LMX1B: variants seen among roughly 807,000 people sequenced by gnomAD.
LMX1B encodes the protein LIM homeobox transcription factor 1 beta.
LMX1B carries 12 observed loss-of-function variants against 51.4 expected under a neutral mutation model. That is an observed-to-expected ratio of 0.23 (90% CI 0.15 to 0.38). The LOEUF (loss-of-function observed/expected upper bound fraction) is 0.38. Among genes scored for constraint, LMX1B ranks in the 10% least tolerant of loss-of-function variants. LMX1B has a pLI of 1.00. For missense variants in LMX1B, 445 were observed against 571.1 expected, an observed-to-expected ratio of 0.78 and a Z score of 2.25; for synonymous variants, 237 against 235.4, an observed-to-expected ratio of 1.01 and a Z score of -0.06.
chr9:126,613,959 G>A lies in LMX1B; in HGVS notation c.-491G>A, dbSNP rs1214635578. ...AGCTCTAAACCCGGCGGCTCAGCGGGCGCACCATGGCACTGGAGTAGCGCG... is the reference window on the plus strand; with the variant it reads ...AGCTCTAAACCCGGCGGCTCAGCGGACGCACCATGGCACTGGAGTAGCGCG... On this transcript the variant is annotated 5_prime_UTR_variant, in exon 1 of 8. Transcript: ENST00000373474. The surrounding 1 kb of genome is among the most constrained non-coding windows in gnomAD (Gnocchi z 4.5). Among the ~76,000 whole-genome samples, 1 of 146,074 alleles carries A rather than the reference G, an allele frequency of 6.8e-6. No individual in the cohort carries two copies. Among genetic ancestry groups the A allele is most frequent in the Non-Finnish European group, 1.5e-5 (1 of 65,772 alleles).
intron 2 of LMX1B, among the ~76,000 whole-genome samples, chr9:126,655,703 C>T (rs1836103845): frequency 6.6e-6 from 1 of 152,206 alleles, no homozygotes; most frequent in Non-Finnish European, 1.5e-5. Flanking sequence ...TACAATGATA[C>T]TGTTTGTTTT....
At chr9:126,642,621 C>T (rs527692557) in intron 2 of LMX1B, among the ~76,000 whole-genome samples, 21 of 152,366 alleles carry the variant, frequency 1.4e-4, no homozygotes, top group South Asian at 2.1e-4. Context: ...TTGCCACCGT[C>T]TCCCTCACTG....
In LMX1B at chr9:126,669,439, A is replaced by G. The variant is rs1414864739; in HGVS notation, c.327-21397A>G. On this transcript the variant is annotated intron_variant, in intron 2 of 7. Transcript: ENST00000373474. ...TGAGAAAAGTTTCCTTCGGGTCTGC[A>G]TTGTGTATTTGTATGAGCGCATGTG... 4.6e-5 allele frequency among the ~76,000 whole-genome samples: 7 copies of G among 151,986 alleles called. No homozygotes were observed. The East Asian group carries it at 9.7e-4, about 21-fold the overall frequency.
In LMX1B at chr9:126,626,951, C is replaced by G. The variant is rs1835545814; in HGVS notation, c.326+11382C>G. On this transcript the variant is annotated intron_variant, in intron 2 of 7. Coordinates refer to ENST00000373474, the MANE Select transcript of LMX1B (RefSeq NM_001174147.2). The surrounding 1 kb of genome is among the most constrained non-coding windows in gnomAD (Gnocchi z 4.3). ...GGCCCGCAGCGTCCGCCGGTCCGTC[C>G]GGGCTCCTCTGCAGGGAAGAGGCCT... is the stretch of plus-strand genomic sequence containing the variant. Among the ~76,000 whole-genome samples the G allele has an allele frequency of 6.6e-6, 1 of 152,194 alleles. No individual in the cohort carries two copies. Among genetic ancestry groups the G allele is most frequent in the Non-Finnish European group, 1.5e-5 (1 of 68,030 alleles).
chr9:126,693,084 G>A lies in LMX1B; in HGVS notation c.560-58G>A, dbSNP rs2030191614. ...GGCAGCAGGTTGCCGAAGGGGACAA[G>A]GCTGAGGCCTGGGCTGCCCCCGCCC... On this transcript the variant is annotated intron_variant, in intron 3 of 7. Coordinates refer to ENST00000373474, the MANE Select transcript of LMX1B (RefSeq NM_001174147.2). The A allele has an allele frequency of 5.9e-6, 9 of 1,526,094 alleles. No homozygotes were observed. The South Asian group carries it at 1.1e-4, about 18-fold the overall frequency. The allele number at this position is 1,526,094 out of a possible 1,614,324, so 94.5% of individuals were successfully genotyped here.
At chr9:126,616,112 T>C (rs1285808721) in intron 2 of LMX1B, among the ~76,000 whole-genome samples, 2 of 152,202 alleles carry the variant, frequency 1.3e-5, no homozygotes, top group African/African-American at 4.8e-5. Flanking sequence ...AGAATGTCCA[T>C]ATTCCCCAAA....
chr9:126,622,607 C>G (rs901067383), intron 2 of LMX1B, among the ~76,000 whole-genome samples: 4 of 152,218 alleles, frequency 2.6e-5, no homozygotes, highest in Admixed American at 6.5e-5. Context: ...CCCCTTCTCC[C>G]GCCTCCTGCC....
At chr9:126,688,851 G>T (rs1314559643) in intron 2 of LMX1B, among the ~76,000 whole-genome samples, 1 of 152,176 alleles carries the variant, frequency 6.6e-6, no homozygotes, top group African/African-American at 2.4e-5. Flanking sequence ...CACTCACGGA[G>T]GCCCCCTTGA....
chr9:126,653,179 G>T (rs1042672756), intron 2 of LMX1B, among the ~76,000 whole-genome samples: 4 of 115,592 alleles, frequency 3.5e-5, no homozygotes, highest in African/African-American at 1.4e-4. Context: ...TTGAGACAAG[G>T]TCTCACTTGG....
chr9:126,660,540 C>G (rs1252062066), intron 2 of LMX1B, among the ~76,000 whole-genome samples: 1 of 152,170 alleles, frequency 6.6e-6, no homozygotes, highest in Non-Finnish European at 1.5e-5. Flanking sequence ...CTCTTTGTGC[C>G]CCAGTTTTCT....
At chr9:126,650,110 C>G (rs1422513432) in intron 2 of LMX1B, among the ~76,000 whole-genome samples, 1 of 152,166 alleles carries the variant, frequency 6.6e-6, no homozygotes, top group Non-Finnish European at 1.5e-5. Flanking sequence ...AGCCAGGAGC[C>G]CCTCTGTTCA....
rs1836457157 is a variant in LMX1B, at chr9:126,671,750, C to T, written c.327-19086C>T. Among the ~76,000 whole-genome samples the T allele has an allele frequency of 6.6e-6, 1 of 152,166 alleles. No homozygotes were observed. The highest frequency in any genetic ancestry group is 2.4e-5 in the African/African-American group (1 of 41,444). On this transcript the variant is annotated intron_variant, in intron 2 of 7. Coordinates refer to ENST00000373474, the MANE Select transcript of LMX1B (RefSeq NM_001174147.2). This position sits in a 1 kb window ranked among gnomAD's most constrained non-coding sequence, Gnocchi z 4.4. The stretch of plus-strand genomic sequence containing the variant: ...CAGGCACACAAAGGCAGTGTAATAT[C>T]CTGTGGGCTTACTCGGGGAGAGTGA...
chr9:126,638,708 A>G (rs1018652318), intron 2 of LMX1B, among the ~76,000 whole-genome samples: 1 of 152,056 alleles, frequency 6.6e-6, no homozygotes, highest in Non-Finnish European at 1.5e-5. Context: ...AGCTCCCATT[A>G]TTAGCTGTGC....
Position 126,693,696 on chromosome 9 carries a change from G to A in LMX1B, c.820-50G>A, listed in dbSNP as rs750909107. 14 of 1,583,166 alleles carry A rather than the reference G, an allele frequency of 8.8e-6. No homozygotes were observed. In the African/African-American group the frequency reaches 1.9e-4, roughly 21 times the overall value. On this transcript the variant is annotated intron_variant, in intron 5 of 7. Transcript: ENST00000373474. ...CGGTCCAGGGGGCGTGGGGCTGGCT[G>A]TGCCTGGGGGCGAGGGGCAGCACCG... is the stretch of plus-strand genomic sequence containing the variant.
In LMX1B at chr9:126,699,402, C is replaced by T. The variant is rs2030461681; in HGVS notation, c.*2951C>T. 1.3e-5 allele frequency: 2 copies of T among 152,216 alleles called. No individual in the cohort carries two copies. Among genetic ancestry groups the T allele is most frequent in the African/African-American group, 2.4e-5 (1 of 41,448 alleles). 9.4% of individuals were successfully genotyped at this position (152,216 alleles called of 1,614,324 possible). ...TATTCCCATTCTGGGGCCTCACAAA[C>T]CCCCGAATCCAGCCGGGACCCCATG... On this transcript the variant is annotated 3_prime_UTR_variant, in exon 8 of 8. Transcript: ENST00000373474.
intron 2 of LMX1B, among the ~76,000 whole-genome samples, chr9:126,676,764 TG>T (rs1836572306): frequency 1.3e-5 from 2 of 151,982 alleles, no homozygotes; most frequent in East Asian, 1.9e-4. Context: ...TTACCAGGGG[TG>T]GGGTCCGCAG....
chr9:126,660,966 A>G (rs928198499), intron 2 of LMX1B, among the ~76,000 whole-genome samples: 3 of 152,206 alleles, frequency 2.0e-5, no homozygotes, highest in Non-Finnish European at 4.4e-5. Flanking sequence ...TCAACCAGTC[A>G]AGGGACCCCA....
At chr9:126,645,294 G>T (rs1283689420) in intron 2 of LMX1B, among the ~76,000 whole-genome samples, 1 of 151,854 alleles carries the variant, frequency 6.6e-6, no homozygotes, top group East Asian at 2.0e-4. Context: ...GGCCTAGTCA[G>T]CCCTGTGGAG....
At position 126,695,711 on chromosome 9, in the gene LMX1B, G is replaced by C; in HGVS notation, c.887-128G>C. 9 of 1,029,028 alleles carry C rather than the reference G, an allele frequency of 8.7e-6. No individual in the cohort carries two copies. The highest frequency in any genetic ancestry group is 1.3e-5 in the Non-Finnish European group (9 of 682,954). The allele number at this position is 1,029,028 out of a possible 1,614,324, so 63.7% of individuals were successfully genotyped here. ...ACCTGGGGAAGGGGCTGGGGAGTCA[G>C]TGTCTGGACAGCTTCAGCCAGAGTG... On this transcript the variant is annotated intron_variant, in intron 6 of 7. Transcript: ENST00000373474. This position sits in a 1 kb window ranked among gnomAD's most constrained non-coding sequence, Gnocchi z 5.2.
Sources: allele counts gnomAD v4.1 joint callset (sites outside exome capture counted in the v4.1 genomes callset), GRCh38; gene constraint gnomAD v4.1.1; non-coding constraint Gnocchi (gnomAD v3.1); transcripts MANE v1.5; gene names NCBI Gene and HGNC (gene_info 2026-07-23, HGNC 2026-07-21).